The following ZNF469 variants were observed in gnomAD, a reference collection of about 807,000 sequenced individuals.
ZNF469 encodes zinc finger protein 469.
ZNF469 carries 1 observed loss-of-function variant against 1.0 expected under a neutral mutation model. The ratio of observed to expected loss-of-function variants is 1.00; its 90% CI spans 0.35 to 4.73. ZNF469 has a LOEUF of 4.73. ZNF469 is among the 30% of genes most tolerant of loss of function. ZNF469 has a pLI of 0.16. For missense variants in ZNF469, 6,100 were observed against 5,356.3 expected, an observed-to-expected ratio of 1.14 and a Z score of -4.33; for synonymous variants, 2,703 against 2,363.4, an observed-to-expected ratio of 1.14 and a Z score of -4.17.
chr16:88,340,289 C>T, the ZNF469 span, among the ~76,000 whole-genome samples: 1 of 152,176 alleles, frequency 6.6e-6, no homozygotes, highest in Non-Finnish European at 1.5e-5. Flanking sequence ...GTGTACCAAA[C>T]GAGGTGTTGT....
chr16:88,347,678 T>C, the ZNF469 span, among the ~76,000 whole-genome samples: 1 of 152,200 alleles, frequency 6.6e-6, no homozygotes, highest in Admixed American at 6.5e-5. Flanking sequence ...GCGGGGCCAG[T>C]CTCCTCCAAT....
chr16:88,318,914 A>C, the ZNF469 span, among the ~76,000 whole-genome samples: 1 of 152,264 alleles, frequency 6.6e-6, no homozygotes, highest in Non-Finnish European at 1.5e-5. Flanking sequence ...CAGCATCTTC[A>C]GATGTCAGCT....
At chr16:88,172,620 C>A in the ZNF469 span, among the ~76,000 whole-genome samples, 1 of 152,146 alleles carries the variant, frequency 6.6e-6, no homozygotes, top group Non-Finnish European at 1.5e-5. Context: ...AAATTAAGAT[C>A]CATAATTGGA....
the ZNF469 span, among the ~76,000 whole-genome samples, chr16:88,310,563 ATTTTTT>A: frequency 4.2e-5 from 6 of 143,588 alleles, no homozygotes; most frequent in South Asian, 1.3e-3. Context: ...CCTTCATTTT[ATTTTTT>A]TTTTTTTATT....
chr16:88,354,049 G>A, the ZNF469 span, among the ~76,000 whole-genome samples: 11 of 152,334 alleles, frequency 7.2e-5, no homozygotes, highest in Non-Finnish European at 1.2e-4. Context: ...GCCAGGGACC[G>A]TGTTGCCAGG....
chr16:88,200,063 G>C, the ZNF469 span, among the ~76,000 whole-genome samples: 1 of 152,192 alleles, frequency 6.6e-6, no homozygotes, highest in Non-Finnish European at 1.5e-5. Flanking sequence ...TCAAACAGGC[G>C]AGGGCTGGGG....
the ZNF469 span, among the ~76,000 whole-genome samples, chr16:88,157,820 C>T: frequency 2.6e-5 from 4 of 151,898 alleles, no homozygotes; most frequent in African/African-American, 9.7e-5. Flanking sequence ...GTGCCATCCT[C>T]GCCACTGCTG....
At chr16:88,387,400 C>T (rs1176895165) in intron 1 of ZNF469, among the ~76,000 whole-genome samples, 5 of 152,224 alleles carry the variant, frequency 3.3e-5, no homozygotes, top group Middle Eastern at 3.4e-3. Flanking sequence ...CCCCGGGTGC[C>T]GGGGGACTCG....
chr16:88,208,777 G>GCACA, the ZNF469 span, among the ~76,000 whole-genome samples: 574 of 129,950 alleles, frequency 4.4e-3, 4 homozygotes, highest in African/African-American at 0.016. Flanking sequence ...GCGCGTGCGC[G>GCACA]CGCACACACA....
the ZNF469 span, among the ~76,000 whole-genome samples, chr16:88,221,362 G>A: frequency 1.3e-5 from 2 of 152,196 alleles, no homozygotes; most frequent in Admixed American, 1.3e-4. Flanking sequence ...CTCTCTCTGT[G>A]GGCCACTATC....
chr16:88,237,973 T>C, the ZNF469 span, among the ~76,000 whole-genome samples: 3 of 152,370 alleles, frequency 2.0e-5, no homozygotes, highest in African/African-American at 7.2e-5. Context: ...CTAAGACTCC[T>C]CCCTGCCTTT....
the ZNF469 span, chr16:88,177,589 C>A: frequency 4.6e-5 from 7 of 152,290 alleles, no homozygotes; most frequent in East Asian, 1.2e-3. This position sits in a 1 kb window ranked among gnomAD's most constrained non-coding sequence, Gnocchi z 4.8. Flanking sequence ...CCAGCAGACC[C>A]TGCCTGTGGC....
chr16:88,228,698 A>C, the ZNF469 span, among the ~76,000 whole-genome samples: 1 of 152,198 alleles, frequency 6.6e-6, no homozygotes, highest in African/African-American at 2.4e-5. Context: ...GCTCTTACTC[A>C]TCTTCTGGAG....
chr16:88,377,034 G>A, the ZNF469 span, among the ~76,000 whole-genome samples: 1 of 152,272 alleles, frequency 6.6e-6, no homozygotes, highest in Non-Finnish European at 1.5e-5. Flanking sequence ...CTGGCTCTCA[G>A]CTGGGTCCCT....
the ZNF469 span, among the ~76,000 whole-genome samples, chr16:88,179,112 G>C: frequency 1.3e-5 from 2 of 152,186 alleles, no homozygotes; most frequent in African/African-American, 4.8e-5. Flanking sequence ...GTCATTCTCG[G>C]AGTGGGCCCC....
At chr16:88,196,404 G>A in the ZNF469 span, among the ~76,000 whole-genome samples, 1 of 152,174 alleles carries the variant, frequency 6.6e-6, no homozygotes, top group African/African-American at 2.4e-5. Flanking sequence ...GGAAATTTGG[G>A]TTTGAGCAGT....
At chr16:88,356,559 T>C in the ZNF469 span, among the ~76,000 whole-genome samples, 1 of 152,036 alleles carries the variant, frequency 6.6e-6, no homozygotes, top group East Asian at 1.9e-4. Context: ...TGTGCCTGTG[T>C]GCGTGTGGGC....
intron 1 of ZNF469, among the ~76,000 whole-genome samples, chr16:88,395,413 A>C (rs932018626): frequency 6.6e-6 from 1 of 152,172 alleles, no homozygotes; most frequent in Non-Finnish European, 1.5e-5. Flanking sequence ...AGAAAGATAC[A>C]CACATATATA....
rs373703203 is a variant in ZNF469 at position 88,407,748 on chromosome 16, C to A, written c.-191-17059C>A. On this transcript the variant is annotated intron_variant, in intron 1 of 2. Coordinates refer to ENST00000565624, the MANE Select transcript of ZNF469 (RefSeq NM_001367624.2). ...GTTTAAATTACTCCCAGGGTGGTGA[C>A]ACCACAGGCCCTGCCAGTGCTCAGA... 3.3e-5 allele frequency among the ~76,000 whole-genome samples: 5 copies of A among 152,370 alleles called. No individual in the cohort carries two copies. The East Asian group carries it at 7.7e-4, about 23-fold the overall frequency.
Sources: gnomAD v4.1 joint callset for allele counts (sites outside exome capture counted in the v4.1 genomes callset) on GRCh38, gnomAD v4.1.1 for gene constraint, Gnocchi (gnomAD v3.1) non-coding constraint, MANE v1.5 for transcripts, NCBI Gene and HGNC (gene_info 2026-07-23, HGNC 2026-07-21) for gene names.